The following CALD1 variants were observed in gnomAD, a reference collection of about 807,000 sequenced individuals.
CALD1 encodes caldesmon.
In CALD1, 33 loss-of-function variants were observed where a neutral mutation model predicts 99.9. That is an observed-to-expected ratio of 0.33 (90% confidence interval 0.25 to 0.44). The LOEUF (loss-of-function observed/expected upper bound fraction) is 0.44. Among genes scored for constraint, CALD1 ranks in the 20% least tolerant of loss-of-function variants. The pLI, the probability that CALD1 is intolerant of heterozygous loss-of-function variation, is 1.00. For synonymous variants in CALD1, 310 were observed against 325.0 expected, an observed-to-expected ratio of 0.95 and a Z score of 0.50; for missense variants, 861 against 962.1, an observed-to-expected ratio of 0.89 and a Z score of 1.39.
chr7:134,940,238 C>T lies in CALD1; in HGVS notation c.1387-854C>T, dbSNP rs994447622. On this transcript the variant is annotated intron_variant, in intron 6 of 14. Coordinates refer to ENST00000361675, the MANE Select transcript of CALD1 (RefSeq NM_033138.4). ...AAGTGAAGTGATTTGAATTCCTTTA[C>T]CCCCTCCCCCACAAAAAGCTATGTA... Among the ~76,000 whole-genome samples, 6 of 152,218 alleles carry T rather than the reference C, an allele frequency of 3.9e-5. No homozygotes were observed. The South Asian group carries it at 1.2e-3, about 32-fold the overall frequency.
chr7:134,728,060 C>T, the CALD1 span, among the ~76,000 whole-genome samples: 1 of 152,064 alleles, frequency 6.6e-6, no homozygotes, highest in Non-Finnish European at 1.5e-5. Context: ...CTATTAAATG[C>T]CAACTGATTT....
At chr7:134,872,310 A>AT (rs1332709262) in intron 3 of CALD1, among the ~76,000 whole-genome samples, 1 of 142,780 alleles carries the variant, frequency 7.0e-6, no homozygotes, top group Non-Finnish European at 1.5e-5. Flanking sequence ...GTGAGCCGAG[A>AT]TTACGCCACT....
intron 1 of CALD1, among the ~76,000 whole-genome samples, chr7:134,818,436 G>A (rs1452886965): frequency 6.6e-6 from 1 of 152,162 alleles, no homozygotes; most frequent in African/African-American, 2.4e-5. Context: ...TCTACTTAAA[G>A]CATAGATGCA....
chr7:134,876,223 C>A, intron 3 of CALD1, among the ~76,000 whole-genome samples: 1 of 152,122 alleles, frequency 6.6e-6, no homozygotes, highest in African/African-American at 2.4e-5. Flanking sequence ...GCCTTCTGGC[C>A]AAGAATCCCT....
rs577523906 is a variant in CALD1 at position 134,808,769 on chromosome 7, TC to T, written c.-130+29021del. On this transcript the variant is annotated intron_variant, in intron 1 of 14. Coordinates refer to ENST00000361675, the MANE Select transcript of CALD1 (RefSeq NM_033138.4). ...GATTTAGAGAATGATATTGAAAACATCAATCTTAGGCTTTCTGGAGTGTGTA... is the reference window on the plus strand; with the variant it reads ...GATTTAGAGAATGATATTGAAAACATAATCTTAGGCTTTCTGGAGTGTGTA... 5.2e-4 allele frequency among the ~76,000 whole-genome samples: 79 copies of T among 152,348 alleles called. 1 individual carries two copies. The highest frequency in any genetic ancestry group is 2.8e-3 in the Admixed American group (43 of 15,304).
intron 3 of CALD1, among the ~76,000 whole-genome samples, chr7:134,895,298 ATGTGTG>A (rs71172482): frequency 0.049 from 6,791 of 138,664 alleles, 189 homozygotes; most frequent in African/African-American, 0.076. Context: ...TTATATATGT[ATGTGTG>A]TGTGTGTGTG....
At chr7:134,815,145 T>C (rs2131959624) in intron 1 of CALD1, among the ~76,000 whole-genome samples, 1 of 152,272 alleles carries the variant, frequency 6.6e-6, no homozygotes, top group East Asian at 1.9e-4. Context: ...CCTCATCATG[T>C]CCGGACAAGT....
At chr7:134,732,337 G>T in the CALD1 span, among the ~76,000 whole-genome samples, 1 of 152,184 alleles carries the variant, frequency 6.6e-6, no homozygotes, top group African/African-American at 2.4e-5. Flanking sequence ...TGGTCTGAAT[G>T]TTTGAGTACT....
intron 6 of CALD1, among the ~76,000 whole-genome samples, chr7:134,937,559 T>A (rs1806079883): frequency 6.6e-6 from 1 of 151,992 alleles, no homozygotes; most frequent in Non-Finnish European, 1.5e-5. Flanking sequence ...TGTTTCTTTA[T>A]GTAGACAGCT....
chr7:134,945,980 C>T (rs1253760746), intron 7 of CALD1, among the ~76,000 whole-genome samples: 1 of 152,190 alleles, frequency 6.6e-6, no homozygotes, highest in Non-Finnish European at 1.5e-5. Context: ...GTTACAGCCA[C>T]TTTTTCCCAT....
intron 1 of CALD1, among the ~76,000 whole-genome samples, chr7:134,781,244 TC>T (rs1054377939): frequency 2.0e-4 from 30 of 152,332 alleles, no homozygotes; most frequent in African/African-American, 6.7e-4. Flanking sequence ...GAGCAATTTT[TC>T]TTTTAACTGT....
intron 3 of CALD1, among the ~76,000 whole-genome samples, chr7:134,892,201 G>C (rs761440052): frequency 8.5e-5 from 13 of 152,158 alleles, no homozygotes; most frequent in Admixed American, 5.2e-4. Context: ...CGGACTCCAA[G>C]GGTTTAGGAT....
In CALD1 at chr7:134,968,859, T is replaced by TA. The variant is rs199709365; in HGVS notation, c.*526dup. ...GAAATACTGCAATAATGGTTGTCTT[T>TA]AAAAAAAAAAAAGAAATGTACTGTT... On this transcript the variant is annotated 3_prime_UTR_variant, in exon 15 of 15. Coordinates refer to ENST00000361675, the MANE Select transcript of CALD1 (RefSeq NM_033138.4). The TA allele has an allele frequency of 0.011, 1,766 of 164,390 alleles. No homozygotes were observed. The highest frequency in any genetic ancestry group is 0.033 in the South Asian group (241 of 7,226). 10.2% of individuals were successfully genotyped at this position (164,390 alleles called of 1,614,324 possible).
At chr7:134,813,888 G>T (rs1304320250) in intron 1 of CALD1, among the ~76,000 whole-genome samples, 1 of 152,144 alleles carries the variant, frequency 6.6e-6, no homozygotes, top group Non-Finnish European at 1.5e-5. Context: ...GATGTCAGCT[G>T]GTAAAGGACG....
the CALD1 span, among the ~76,000 whole-genome samples, chr7:134,715,376 C>T: frequency 0.18 from 27,476 of 152,014 alleles, 2,521 homozygotes; most frequent in South Asian, 0.24. Context: ...TATAATCTGT[C>T]CCTGAATTTG....
intron 3 of CALD1, among the ~76,000 whole-genome samples, chr7:134,922,841 G>A (rs1665705286): frequency 6.6e-6 from 1 of 152,170 alleles, no homozygotes; most frequent in African/African-American, 2.4e-5. Flanking sequence ...ATACACTGAG[G>A]CAGCAAGGCC....
At chr7:134,905,329 T>C (rs373661764) in intron 3 of CALD1, among the ~76,000 whole-genome samples, 10 of 152,106 alleles carry the variant, frequency 6.6e-5, no homozygotes, top group African/African-American at 2.4e-4. Context: ...ACCGTGCAAC[T>C]ATTAGTTCAT....
chr7:134,829,081 A>G (rs1009077059), intron 1 of CALD1, among the ~76,000 whole-genome samples: 1 of 152,218 alleles, frequency 6.6e-6, no homozygotes, highest in Non-Finnish European at 1.5e-5. Flanking sequence ...TTATTGAGTG[A>G]CTACTAAATG....
At chr7:134,891,654 A>C in intron 3 of CALD1, 1 of 1,605,342 alleles carries the variant, frequency 6.2e-7, no homozygotes, top group Non-Finnish European at 8.5e-7. Context: ...TGGAAGACGC[A>C]GCCTGGCCGC....
Sources: gnomAD v4.1 joint callset for allele counts (sites outside exome capture counted in the v4.1 genomes callset) on GRCh38, gnomAD v4.1.1 for gene constraint, MANE v1.5 for transcripts, NCBI Gene and HGNC (gene_info 2026-07-23, HGNC 2026-07-21) for gene names.